Variants in SDK2 observed in about 807,000 individuals in gnomAD.
SDK2 encodes protein sidekick-2.
In SDK2, 105 loss-of-function variants were observed where a neutral mutation model predicts 253.9. The ratio of observed to expected loss-of-function variants is 0.41; its 90% CI spans 0.35 to 0.49. The LOEUF is 0.49. Among genes scored for constraint, SDK2 ranks in the 20% least tolerant of loss-of-function variants. The pLI is 0.06. For missense variants in SDK2, 2,608 were observed against 3,003.0 expected (o/e 0.87, Z 3.07); for synonymous variants, 1,249 against 1,234.9 (o/e 1.01, Z -0.24).
At chr17:73,377,786 AT>A in intron 36 of SDK2, among the ~76,000 whole-genome samples, 1 of 150,306 alleles carries the variant, frequency 6.7e-6, no homozygotes, top group South Asian at 2.1e-4. Flanking sequence ...CTAATTTTGT[AT>A]TTTTAGTAGA....
chr17:73,474,956 TG>T (rs2063676098), intron 2 of SDK2, among the ~76,000 whole-genome samples: 1 of 152,216 alleles, frequency 6.6e-6, no homozygotes, highest in South Asian at 2.1e-4. Context: ...AGACCATGTT[TG>T]CCTAGCAGAT....
In SDK2 at chr17:73,629,436, G is replaced by A. The variant is rs1035468112; in HGVS notation, c.64+14589C>T. Among the ~76,000 whole-genome samples the A allele has an allele frequency of 2.0e-5, 3 of 152,218 alleles. No homozygotes were observed. Among genetic ancestry groups the A allele is most frequent in the African/African-American group, 2.4e-5 (1 of 41,460 alleles). ...TGACCCTGAGTGTAAGCACCTGAGG[G>A]CAGAAGCCACTTGGGGTGTGGCCAG... On this transcript the variant is annotated intron_variant, in intron 1 of 44. Coordinates refer to ENST00000392650, the MANE Select transcript of SDK2 (RefSeq NM_001144952.2). This position sits in a 1 kb window ranked among gnomAD's most constrained non-coding sequence, Gnocchi z 5.0.
Position 73,433,852 on chromosome 17 carries a change from C to T in SDK2, c.1196-4G>A, listed in dbSNP as rs2063346944. The stretch of plus-strand genomic sequence containing the variant: ...CTGGTGATGTTAGGGGCGATGCCTG[C>T]AAACAGAGAAGTGGGGCCTTTTAGC... On this transcript the variant is annotated splice_region_variant and splice_polypyrimidine_tract_variant and intron_variant, in intron 9 of 44. Coordinates refer to ENST00000392650, the MANE Select transcript of SDK2 (RefSeq NM_001144952.2). 2 of 1,520,538 alleles carry T rather than the reference C, an allele frequency of 1.3e-6. No individual in the cohort carries two copies. The highest frequency in any genetic ancestry group is 2.4e-5 in the East Asian group (1 of 40,874). The allele number at this position is 1,520,538 out of a possible 1,614,324, so 94.2% of individuals were successfully genotyped here. A position where few individuals can be genotyped will look rare whatever the true frequency, so the allele number is the denominator to read the frequency against.
chr17:73,393,831 G>T, intron 26 of SDK2, 82 bp from the exon 27 acceptor site: 1 of 1,150,408 alleles, frequency 8.7e-7, no homozygotes, highest in Non-Finnish European at 1.2e-6. Context: ...TCCCCAGGAT[G>T]AGCAGCTGTG....
intron 1 of SDK2, among the ~76,000 whole-genome samples, chr17:73,551,860 T>C (rs2045064956): frequency 6.6e-6 from 1 of 152,108 alleles, no homozygotes; most frequent in Non-Finnish European, 1.5e-5. Context: ...ACCCAGTCCA[T>C]CTGGAGACCC....
chr17:73,339,236 T>G (rs1229883241), intron 44 of SDK2, among the ~76,000 whole-genome samples: 43 of 104,770 alleles, frequency 4.1e-4, no homozygotes, highest in Middle Eastern at 5.7e-3. Flanking sequence ...TTTGTTTTTG[T>G]TTTTTTTTTT....
At chr17:73,438,254 G>T in intron 6 of SDK2, 100 bp from the exon 7 acceptor site, 1 of 1,184,938 alleles carries the variant, frequency 8.4e-7, no homozygotes, top group Non-Finnish European at 1.2e-6. Context: ...TGGGAGCCGG[G>T]CTGCCTGGGT....
At chr17:73,371,033 C>T (rs1204205332) in intron 36 of SDK2, among the ~76,000 whole-genome samples, 2 of 152,128 alleles carry the variant, frequency 1.3e-5, no homozygotes, top group African/African-American at 4.8e-5. Context: ...CACTGCACTC[C>T]AGCCTGGGCA....
rs946556264 is a variant in SDK2 at position 73,438,162 on chromosome 17, G to A, written c.726-8C>T. The stretch of plus-strand genomic sequence containing the variant: ...TGTAGCTTGATCAGGGGCCTGCAGA[G>A]GGCAAGGGAAGGCCAGTGTTCAGCC... On this transcript the variant is annotated splice_region_variant and splice_polypyrimidine_tract_variant and intron_variant, in intron 6 of 44. Transcript: ENST00000392650. The A allele has an allele frequency of 6.5e-7, 1 of 1,547,942 alleles. No homozygotes were observed. Among genetic ancestry groups the A allele is most frequent in the Admixed American group, 2.0e-5 (1 of 50,912 alleles).
chr17:73,516,016 A>G (rs987029117), intron 1 of SDK2, among the ~76,000 whole-genome samples: 1 of 152,174 alleles, frequency 6.6e-6, no homozygotes, highest in Non-Finnish European at 1.5e-5. Flanking sequence ...AAAGAGGGGC[A>G]GGGGCTGTTA....
intron 1 of SDK2, among the ~76,000 whole-genome samples, chr17:73,601,022 A>AT (rs1289240579): frequency 0.026 from 3,754 of 143,236 alleles, 67 homozygotes; most frequent in African/African-American, 0.034. Context: ...TTAAAAAAAA[A>AT]TTTTTTTTTT....
At chr17:73,513,089 C>A (rs2063993885) in intron 1 of SDK2, among the ~76,000 whole-genome samples, 1 of 151,542 alleles carries the variant, frequency 6.6e-6, no homozygotes, top group South Asian at 2.1e-4. Context: ...TATGCAAGCT[C>A]CAAAAGGTCA....
chr17:73,388,034 C>G lies in SDK2; in HGVS notation c.4196G>C (p.Arg1399Pro). 1 of 1,564,464 alleles carries G rather than the reference C, an allele frequency of 6.4e-7. No homozygotes were observed. Among genetic ancestry groups the G allele is most frequent in the South Asian group, 1.2e-5 (1 of 84,982 alleles). ...CATCGGCCTGCTGGGGGGCTGCGGA[C>G]GGTCTGGGAGGTGGCAGAGGGGGAG... Reference protein sequence around the residue: ...ALVVTTEKRDRPQPPSRPMVQ... With the variant: ...ALVVTTEKRDPPQPPSRPMVQ... The change falls in exon 30 of 45, where the codon CGT becomes CCT. Residue 1399 changes from arginine (R) to proline (P), a missense_variant. Around this residue, in one of 2 missense-constraint regions of SDK2, gnomAD observed 1,103 missense variants for 1,143.9 expected, o/e 0.96. Coordinates refer to ENST00000392650, the MANE Select transcript of SDK2 (RefSeq NM_001144952.2).
At chr17:73,631,052 C>T (rs749283546) in intron 1 of SDK2, among the ~76,000 whole-genome samples, 1 of 152,160 alleles carries the variant, frequency 6.6e-6, no homozygotes, top group Non-Finnish European at 1.5e-5. Context: ...TCTCCAGCCA[C>T]CTGAAGCCAC....
intron 1 of SDK2, among the ~76,000 whole-genome samples, chr17:73,637,824 A>G (rs1005717967): frequency 1.3e-5 from 2 of 152,208 alleles, no homozygotes; most frequent in South Asian, 4.1e-4. Flanking sequence ...TTCACATCAT[A>G]AAGTTGGAGT....
In SDK2 at chr17:73,619,550, A is replaced by T. The variant is rs554701456; in HGVS notation, c.64+24475T>A. 3.9e-5 allele frequency among the ~76,000 whole-genome samples: 6 copies of T among 152,344 alleles called. No individual in the cohort carries two copies. In the East Asian group the frequency reaches 1.2e-3, roughly 29 times the overall value. ...CTGGATAACCACATGCAAAAGAATG[A>T]ACCTGAACCCCTACCTCACATCATA... On this transcript the variant is annotated intron_variant, in intron 1 of 44. Transcript: ENST00000392650.
At chr17:73,585,590 G>A (rs911892192) in intron 1 of SDK2, among the ~76,000 whole-genome samples, 8 of 152,284 alleles carry the variant, frequency 5.3e-5, no homozygotes, top group African/African-American at 9.6e-5. Flanking sequence ...ATGGCCAGGC[G>A]GGGAAATACT....
Position 73,340,734 on chromosome 17 carries a change from GTTTTTTTTTTTT to G in SDK2, c.6166-1806_6166-1795del, listed in dbSNP as rs10638504. Among the ~76,000 whole-genome samples the G allele has an allele frequency of 5.0e-4, 39 of 77,558 alleles. 1 individual carries two copies. Among genetic ancestry groups the G allele is most frequent in the African/African-American group, 1.8e-3 (35 of 19,324 alleles). 50.9% of individuals were successfully genotyped at this position (77,558 alleles called of 152,430 possible). A position where few individuals can be genotyped will look rare whatever the true frequency, so the allele number is the denominator to read the frequency against. The stretch of plus-strand genomic sequence containing the variant: ...ATTTTCATGTAATGAAAACCTTAAA[GTTTTTTTTTTTT>G]TTTTTTTTTTTTTTGAGATGGAGTT... On this transcript the variant is annotated intron_variant, in intron 44 of 44. Coordinates refer to ENST00000392650, the MANE Select transcript of SDK2 (RefSeq NM_001144952.2).
chr17:73,390,243 C>A (rs758530672), intron 29 of SDK2, 44 bp downstream of exon 29: 8 of 1,482,488 alleles, frequency 5.4e-6, no homozygotes, highest in Admixed American at 2.3e-5. Flanking sequence ...GCTGGCCCCC[C>A]CTCAGCTGCC....
Sources: allele counts gnomAD v4.1 joint callset (sites outside exome capture counted in the v4.1 genomes callset), GRCh38; gene constraint gnomAD v4.1.1; regional missense constraint gnomAD v4.1.1; non-coding constraint Gnocchi (gnomAD v3.1); transcripts MANE v1.5; gene names NCBI Gene and HGNC (gene_info 2026-07-23, HGNC 2026-07-21).